Variants in RASSF6 observed in about 807,000 individuals in gnomAD.
RASSF6 encodes the protein Ras association domain family member 6.
Under a neutral mutation model 44.0 loss-of-function variants are expected in RASSF6, and 52 were observed. The observed-to-expected ratio is 1.18, with a 90% CI of 0.95 to 1.49. The LOEUF is 1.49. Among genes scored for constraint, RASSF6 ranks in the 40% most tolerant of loss-of-function variants. The probability of loss-of-function intolerance (pLI) is 0.00; values close to 1 mark genes in which losing one functional copy is unlikely to be tolerated. For missense variants in RASSF6, 464 were observed against 393.3 expected (o/e 1.18, Z -1.52); for synonymous variants, 162 against 124.6 (o/e 1.30, Z -2.00).
intron 2 of RASSF6, among the ~76,000 whole-genome samples, chr4:73,610,045 A>T (rs1455207939): frequency 6.6e-6 from 1 of 152,114 alleles, no homozygotes; most frequent in African/African-American, 2.4e-5. Flanking sequence ...TTCTTATTCA[A>T]TCTCAAATGT....
At chr4:73,579,813 A>G (rs1175731736) in intron 8 of RASSF6, among the ~76,000 whole-genome samples, 2 of 151,986 alleles carry the variant, frequency 1.3e-5, no homozygotes, top group Admixed American at 6.6e-5. Context: ...CAACTAGAAT[A>G]TGAATATATA....
upstream of RASSF6, chr4:73,620,616 C>T (rs1578076665): frequency 5.8e-6 from 4 of 685,518 alleles, no homozygotes; most frequent in East Asian, 8.8e-5. Flanking sequence ...ACCTGAGCCA[C>T]TCCCTGTGCC....
intron 8 of RASSF6, among the ~76,000 whole-genome samples, chr4:73,581,567 G>A (rs969135142): frequency 5.9e-5 from 9 of 152,182 alleles, no homozygotes; most frequent in Admixed American, 3.9e-4. Flanking sequence ...TCTCCATTTA[G>A]ATAATTTAAT....
At chr4:73,592,166 A>G (rs1724607620) in intron 4 of RASSF6, among the ~76,000 whole-genome samples, 1 of 152,208 alleles carries the variant, frequency 6.6e-6, no homozygotes, top group Admixed American at 6.5e-5. Flanking sequence ...GGAATTACAA[A>G]ACATTCAGCA....
chr4:73,585,228 T>G lies in RASSF6; in HGVS notation c.519A>C (p.Glu173Asp), dbSNP rs1368525254. ...TAATAGAGGCTCTATTTTTCTGTCT[T>G]TCTTTTCTGTCCATCATCAGAGGCT... Reference protein sequence around the residue: ...RMKPLMMDRKERQKNRASING... With the variant: ...RMKPLMMDRKDRQKNRASING... The change falls in exon 6 of 11, where the codon GAA (glutamate) becomes GAC (aspartate). Residue 173 changes from glutamate to aspartate, a missense_variant. Transcript: ENST00000307439. 3 of 1,612,264 alleles carry G rather than the reference T, an allele frequency of 1.9e-6. No individual in the cohort carries two copies. Among genetic ancestry groups the G allele is most frequent in the South Asian group, 1.1e-5 (1 of 90,738 alleles).
intron 2 of RASSF6, among the ~76,000 whole-genome samples, chr4:73,610,294 A>G (rs1229549991): frequency 1.3e-5 from 2 of 152,006 alleles, no homozygotes; most frequent in Admixed American, 6.6e-5. Context: ...TACTGCTGCC[A>G]CCTTGGTTCA....
At chr4:73,576,766 GT>G (rs1560436816) in intron 8 of RASSF6, 35 bp from the exon 9 acceptor site, 10 of 1,223,006 alleles carry the variant, frequency 8.2e-6, no homozygotes, top group Non-Finnish European at 1.2e-5. Context: ...ACAATCAGAA[GT>G]TCATGCTGCA....
At chr4:73,593,699 T>A (rs555326918) in intron 3 of RASSF6, 106 bp from the exon 4 acceptor site, 32 of 865,578 alleles carry the variant, frequency 3.7e-5, no homozygotes, top group Non-Finnish European at 4.4e-5. Flanking sequence ...CTAAATAGAT[T>A]AAAAAGAAAC....
chr4:73,592,774 C>T (rs1232265172), intron 4 of RASSF6, among the ~76,000 whole-genome samples: 1 of 152,114 alleles, frequency 6.6e-6, no homozygotes, highest in African/African-American at 2.4e-5. Flanking sequence ...AGATTTTATC[C>T]TCTTATTTTG....
chr4:73,609,077 G>T (rs1047484509), intron 2 of RASSF6, among the ~76,000 whole-genome samples: 1 of 152,204 alleles, frequency 6.6e-6, no homozygotes, highest in African/African-American at 2.4e-5. Flanking sequence ...CTTTTGAGCT[G>T]CCCTTAGAAG....
intron 3 of RASSF6, among the ~76,000 whole-genome samples, chr4:73,593,931 A>G (rs1337258249): frequency 6.6e-6 from 1 of 152,256 alleles, no homozygotes; most frequent in Non-Finnish European, 1.5e-5. Context: ...AAATTAAAGC[A>G]GATTTAAAAA....
intron 2 of RASSF6, among the ~76,000 whole-genome samples, chr4:73,605,837 C>T (rs1408905083): frequency 6.6e-6 from 1 of 152,124 alleles, no homozygotes; most frequent in Admixed American, 6.5e-5. Context: ...GATGGTGTCT[C>T]ACTGTGGTTT....
At chr4:73,578,240 C>G (rs753161834) in intron 8 of RASSF6, among the ~76,000 whole-genome samples, 2 of 152,130 alleles carry the variant, frequency 1.3e-5, no homozygotes, top group Non-Finnish European at 2.9e-5. Context: ...GAAACTAAGC[C>G]ATATTTCTGC....
intron 1 of RASSF6, among the ~76,000 whole-genome samples, chr4:73,612,773 C>T (rs753717711): frequency 5.3e-5 from 8 of 151,988 alleles, no homozygotes; most frequent in Non-Finnish European, 1.2e-4. Flanking sequence ...TTTATCATTC[C>T]GATCATCCCA....
intron 6 of RASSF6, 109 bp downstream of exon 6, chr4:73,585,071 T>A (rs1022817294): frequency 1.4e-6 from 1 of 711,676 alleles, no homozygotes; most frequent in Non-Finnish European, 2.3e-6. Context: ...ATGTTAGACA[T>A]GCTACTGTTA....
At position 73,575,072 on chromosome 4, in the gene RASSF6, T is replaced by G. The variant is rs1723126422; in HGVS notation, c.*1163A>C. The G allele has an allele frequency of 6.6e-6, 1 of 152,190 alleles. No homozygotes were observed. Among genetic ancestry groups the G allele is most frequent in the Non-Finnish European group, 1.5e-5 (1 of 68,028 alleles). 9.4% of individuals were successfully genotyped at this position (152,190 alleles called of 1,614,324 possible). On this transcript the variant is annotated 3_prime_UTR_variant, in exon 11 of 11. Transcript: ENST00000307439. ...TTGGTAATACTGAGAAGTAATGCCT[T>G]TGTCTTAAAAATGTTTCATATTTTA... is the stretch of plus-strand genomic sequence containing the variant.
chr4:73,572,732 T>C lies in RASSF6; in HGVS notation c.*3503A>G, dbSNP rs1275278039. ...GTAGAACTCTGTGCTTGCATGTGCT[T>C]GTTACTTTTTTGTTCATAAGTTTTA... On this transcript the variant is annotated 3_prime_UTR_variant, in exon 11 of 11. Coordinates refer to ENST00000307439, the MANE Select transcript of RASSF6 (RefSeq NM_177532.5). 7.2e-5 allele frequency: 11 copies of C among 152,182 alleles called. No individual in the cohort carries two copies. The highest frequency in any genetic ancestry group is 1.0e-4 in the Non-Finnish European group (7 of 68,004). The allele number at this position is 152,182 out of a possible 1,614,324, so 9.4% of individuals were successfully genotyped here.
chr4:73,576,913 T>C (rs1434200781), intron 8 of RASSF6, among the ~76,000 whole-genome samples, 182 bp from the exon 9 acceptor site: 1 of 152,250 alleles, frequency 6.6e-6, no homozygotes, highest in Non-Finnish European at 1.5e-5. Context: ...TTTCTCTTAC[T>C]GTATCTCAAG....
chr4:73,589,620 A>G (rs778176014), intron 4 of RASSF6, among the ~76,000 whole-genome samples: 4 of 152,172 alleles, frequency 2.6e-5, no homozygotes, highest in Non-Finnish European at 5.9e-5. Context: ...AGAAAACACC[A>G]GTTTTCAGCT....
Sources: gnomAD v4.1 joint callset for allele counts (sites outside exome capture counted in the v4.1 genomes callset) on GRCh38, gnomAD v4.1.1 for gene constraint, MANE v1.5 for transcripts, NCBI Gene and HGNC (gene_info 2026-07-23, HGNC 2026-07-21) for gene names.